Variants in TMTC4 observed in about 807,000 individuals in gnomAD.
The protein encoded by TMTC4 is transmembrane O-mannosyltransferase targeting cadherins 4, also known as protein O-mannosyl-transferase TMTC4.
TMTC4 carries 65 observed loss-of-function variants against 86.0 expected under a neutral mutation model. The observed-to-expected ratio is 0.76, with a 90% CI of 0.62 to 0.93. The LOEUF (loss-of-function observed/expected upper bound fraction) is 0.93, where lower values mean the gene tolerates loss of function less well. Ranked by LOEUF, TMTC4 falls within the 40% of genes least tolerant of loss-of-function variation. TMTC4 has a pLI of 0.00. For missense variants in TMTC4, 866 were observed against 948.1 expected (o/e 0.91, Z 1.14); for synonymous variants, 379 against 382.5 (o/e 0.99, Z 0.11).
chr13:100,604,826 A>C lies in TMTC4; in HGVS notation c.*168T>G, dbSNP rs1322036086. On this transcript the variant is annotated 3_prime_UTR_variant, in exon 19 of 19. Coordinates refer to ENST00000342624, the MANE Select transcript of TMTC4 (RefSeq NM_032813.5). ...AATGAAAAATCATATCACGCATTCA[A>C]GAGTATATTGCTGGTGCTATAATCT... The C allele has an allele frequency of 8.7e-6, 5 of 574,140 alleles. No individual in the cohort carries two copies. The highest frequency in any genetic ancestry group is 1.9e-5 in the African/African-American group (1 of 51,402). 35.6% of individuals were successfully genotyped at this position (574,140 alleles called of 1,614,324 possible).
rs746143578 is a variant in TMTC4 at position 100,625,434 on chromosome 13, A to G, written c.1836+101T>C. 59 of 1,484,418 alleles carry G rather than the reference A, an allele frequency of 4.0e-5. No individual in the cohort carries two copies. In the African/African-American group the frequency reaches 5.7e-4, roughly 14 times the overall value. The allele number at this position is 1,484,418 out of a possible 1,614,324, so 92.0% of individuals were successfully genotyped here. ...AGATAGAAACATGTGAAAGAACTTT[A>G]TAAAATGTATGGGCTAGGTGGGTGT... On this transcript the variant is annotated intron_variant, in intron 15 of 18. Coordinates refer to ENST00000342624, the MANE Select transcript of TMTC4 (RefSeq NM_032813.5).
chr13:100,664,437 G>T, intron 3 of TMTC4, 101 bp from the exon 4 acceptor site: 1 of 739,664 alleles, frequency 1.4e-6, no homozygotes, highest in Admixed American at 3.1e-5. Flanking sequence ...CCTCCTAGCG[G>T]GGATGCTGTG....
At position 100,635,297 on chromosome 13, in the gene TMTC4, T is replaced by C. The variant is rs1342313979; in HGVS notation, c.1203-102A>G. 4 of 1,223,514 alleles carry C rather than the reference T, an allele frequency of 3.3e-6. No homozygotes were observed. The East Asian group carries it at 7.8e-5, about 24-fold the overall frequency. 75.8% of individuals were successfully genotyped at this position (1,223,514 alleles called of 1,614,324 possible). ...AATGCTAAAGACCTTTTCTTTTCCATGGCATCAACTGAGAAAAGATATTGT... is the reference window on the plus strand; with the variant it reads ...AATGCTAAAGACCTTTTCTTTTCCACGGCATCAACTGAGAAAAGATATTGT... On this transcript the variant is annotated intron_variant, in intron 10 of 18. Transcript: ENST00000342624.
intron 12 of TMTC4, among the ~76,000 whole-genome samples, chr13:100,631,024 C>T (rs1881285073): frequency 6.6e-6 from 1 of 152,164 alleles, no homozygotes; most frequent in African/African-American, 2.4e-5. Flanking sequence ...CAAAACAAAA[C>T]AGAACAAAAA....
chr13:100,672,684 G>T (rs557219498), intron 1 of TMTC4, among the ~76,000 whole-genome samples: 1 of 152,114 alleles, frequency 6.6e-6, no homozygotes, highest in Non-Finnish European at 1.5e-5. Flanking sequence ...TAGAGACAGG[G>T]TCTCACTATG....
chr13:100,611,988 T>A (rs906432746), intron 17 of TMTC4, among the ~76,000 whole-genome samples: 2 of 152,208 alleles, frequency 1.3e-5, no homozygotes, highest in Non-Finnish European at 1.5e-5. Context: ...CTCCAGCCCA[T>A]GTGCAAGTGA....
At chr13:100,632,468 G>A (rs1881579572) in intron 12 of TMTC4, among the ~76,000 whole-genome samples, 2 of 152,154 alleles carry the variant, frequency 1.3e-5, no homozygotes, top group African/African-American at 4.8e-5. Flanking sequence ...GGCAATTACT[G>A]CGATTCAAAC....
At chr13:100,618,718 C>T in intron 15 of TMTC4, among the ~76,000 whole-genome samples, 1 of 152,134 alleles carries the variant, frequency 6.6e-6, no homozygotes, top group East Asian at 1.9e-4. Flanking sequence ...CTTCAAACAT[C>T]TGTTTAACAA....
intron 6 of TMTC4, among the ~76,000 whole-genome samples, chr13:100,645,265 T>C (rs1193545275): frequency 6.6e-6 from 1 of 152,196 alleles, no homozygotes; most frequent in East Asian, 1.9e-4. Flanking sequence ...CCACCACCAC[T>C]GCCCACTTGC....
At chr13:100,637,461 C>T (rs973378694) in intron 9 of TMTC4, 77 bp downstream of exon 9, 50 of 1,525,024 alleles carry the variant, frequency 3.3e-5, no homozygotes, top group African/African-American at 5.5e-5. Context: ...AGGAGTGAGA[C>T]GAGGAGGAGG....
intron 6 of TMTC4, among the ~76,000 whole-genome samples, chr13:100,645,599 A>C (rs1395773678): frequency 1.3e-5 from 2 of 151,908 alleles, no homozygotes; most frequent in East Asian, 3.9e-4. Context: ...TGCCCCTGTG[A>C]GCAGGTGAGC....
At position 100,604,513 on chromosome 13, in the gene TMTC4, T is replaced by A; in HGVS notation, c.*481A>T. 6.6e-6 allele frequency: 1 copy of A among 152,204 alleles called. No individual in the cohort carries two copies. Among genetic ancestry groups the A allele is most frequent in the East Asian group, 1.9e-4 (1 of 5,198 alleles). The allele number at this position is 152,204 out of a possible 1,614,324, so 9.4% of individuals were successfully genotyped here. On this transcript the variant is annotated 3_prime_UTR_variant, in exon 19 of 19. Transcript: ENST00000342624. Reference sequence around the variant, plus strand: ...CTTACAAAGTTCACAGTATGTTGTTTTAAAAAAAAGAGATAAAAAAACTTA... The same window carrying A: ...CTTACAAAGTTCACAGTATGTTGTTATAAAAAAAAGAGATAAAAAAACTTA...
intron 2 of TMTC4, among the ~76,000 whole-genome samples, chr13:100,669,643 C>A (rs565830127): frequency 6.6e-6 from 1 of 152,170 alleles, no homozygotes; most frequent in Non-Finnish European, 1.5e-5. Flanking sequence ...TGCACAACCC[C>A]TTTCCTCTCT....
intron 16 of TMTC4, 49 bp downstream of exon 16, chr13:100,614,267 T>C: frequency 7.1e-7 from 1 of 1,415,502 alleles, no homozygotes; most frequent in Non-Finnish European, 9.9e-7. Context: ...TCGGTGGCAT[T>C]TTACTGTGGA....
intron 10 of TMTC4, among the ~76,000 whole-genome samples, chr13:100,636,160 G>A (rs967318979): frequency 2.6e-5 from 4 of 152,160 alleles, no homozygotes; most frequent in South Asian, 2.1e-4. Flanking sequence ...TCATGGCAGC[G>A]TTCACCAGGG....
At chr13:100,636,451 A>G in intron 10 of TMTC4, 81 bp downstream of exon 10, 6 of 1,517,110 alleles carry the variant, frequency 4.0e-6, no homozygotes, top group Non-Finnish European at 4.5e-6. Context: ...CCACAAAATC[A>G]TAAAAATGAT....
chr13:100,618,095 C>T (rs1375662872), intron 15 of TMTC4, among the ~76,000 whole-genome samples: 2 of 152,156 alleles, frequency 1.3e-5, no homozygotes, highest in African/African-American at 4.8e-5. Flanking sequence ...CTTTTTATGG[C>T]TCTTGTAAAT....
At chr13:100,640,307 G>A (rs1452023407) in intron 7 of TMTC4, among the ~76,000 whole-genome samples, 1 of 151,970 alleles carries the variant, frequency 6.6e-6, no homozygotes, top group African/African-American at 2.4e-5. Context: ...GCCCCCACAA[G>A]AAAGAACTGT....
Position 100,635,046 on chromosome 13 carries a change from A to G in TMTC4, c.1352T>C (p.Leu451Pro). 6.2e-7 allele frequency: 1 copy of G among 1,612,742 alleles called. No individual in the cohort carries two copies. Among genetic ancestry groups the G allele is most frequent in the Non-Finnish European group, 8.5e-7 (1 of 1,179,338 alleles). The change falls in exon 11 of 19, where the codon CTG (leucine) becomes CCG (proline). Residue 451 changes from leucine to proline, a missense_variant. By Grantham distance (98) the Leu-to-Pro change is moderately conservative. Transcript: ENST00000342624. ...CVLLTFGFGA[L>P]SKHTKKKKLI... ...TACCTTTTTCTTGGTATGTTTGCTC[A>G]GGGCTCCGAATCCAAAAGTCAGCAG... is the stretch of plus-strand genomic sequence containing the variant.
Sources: allele counts gnomAD v4.1 joint callset (sites outside exome capture counted in the v4.1 genomes callset), GRCh38; gene constraint gnomAD v4.1.1; transcripts MANE v1.5; gene names NCBI Gene and HGNC (gene_info 2026-07-23, HGNC 2026-07-21).